The following RIPOR1 variants were observed in gnomAD, a reference collection of about 807,000 sequenced individuals.
RIPOR1 encodes rho family-interacting cell polarization regulator 1.
Under a neutral mutation model 116.5 loss-of-function variants are expected in RIPOR1, and 58 were observed. That is an observed-to-expected ratio of 0.50 (90% confidence interval 0.40 to 0.62). The LOEUF is 0.62. RIPOR1 is among the 20% of genes least tolerant of loss of function. RIPOR1 has a pLI of 0.00. For missense variants in RIPOR1, 1,372 were observed against 1,586.2 expected (o/e 0.86, Z 2.29); for synonymous variants, 605 against 650.0 (o/e 0.93, Z 1.05).
Position 67,531,257 on chromosome 16 carries a change from C to A in RIPOR1, c.-24+2343C>A, listed in dbSNP as rs919911241. ...GGGGTGGACATAGACTTAAAATCCT[C>A]CCCACCAACAAACAGCTCAGGACCT... On this transcript the variant is annotated intron_variant, in intron 1 of 21. Transcript: ENST00000042381. The surrounding 1 kb of genome is among the most constrained non-coding windows in gnomAD (Gnocchi z 4.2). Among the ~76,000 whole-genome samples, 13 of 151,724 alleles carry A rather than the reference C, an allele frequency of 8.6e-5. No individual in the cohort carries two copies. Among genetic ancestry groups the A allele is most frequent in the Admixed American group, 2.0e-4 (3 of 15,244 alleles).
chr16:67,539,596 G>A (rs1045940670), intron 4 of RIPOR1, 132 bp from the exon 5 acceptor site: 35 of 1,092,672 alleles, frequency 3.2e-5, no homozygotes, highest in East Asian at 2.1e-4. Flanking sequence ...AGGAAGGGGC[G>A]TCAGTTGCTA....
chr16:67,544,048 C>T lies in RIPOR1; in HGVS notation c.2601-251C>T, dbSNP rs1345789019. On this transcript the variant is annotated intron_variant, in intron 14 of 21. Transcript: ENST00000042381. The surrounding 1 kb of genome is among the most constrained non-coding windows in gnomAD (Gnocchi z 5.1). ...TAAACCATCCCGCCTGCAGCCTACTCCTACCCATGCCATCCCCAGTGGTCC... is the reference window on the plus strand; with the variant it reads ...TAAACCATCCCGCCTGCAGCCTACTTCTACCCATGCCATCCCCAGTGGTCC... Among the ~76,000 whole-genome samples, 1 of 152,132 alleles carries T rather than the reference C, an allele frequency of 6.6e-6. No homozygotes were observed. Among genetic ancestry groups the T allele is most frequent in the Non-Finnish European group, 1.5e-5 (1 of 68,034 alleles).
chr16:67,521,421 G>T (rs2050494005), intron 1 of RIPOR1, among the ~76,000 whole-genome samples: 1 of 152,182 alleles, frequency 6.6e-6, no homozygotes, highest in South Asian at 2.1e-4. Flanking sequence ...TTCACCTAGC[G>T]TTAGCAACTC....
chr16:67,531,167 A>G lies in RIPOR1; in HGVS notation c.-24+2253A>G, dbSNP rs1384629751. ...CCAGGGAGCAGAGCCCCACTTGCTG[A>G]TGGTATACGATACCATCAGCCAGTG... On this transcript the variant is annotated intron_variant, in intron 1 of 21. Transcript: ENST00000042381. The surrounding 1 kb of genome is among the most constrained non-coding windows in gnomAD (Gnocchi z 4.2). Among the ~76,000 whole-genome samples, 1 of 151,970 alleles carries G rather than the reference A, an allele frequency of 6.6e-6. No individual in the cohort carries two copies. The highest frequency in any genetic ancestry group is 1.5e-5 in the Non-Finnish European group (1 of 67,976).
chr16:67,521,451 C>G (rs563097785), intron 1 of RIPOR1, among the ~76,000 whole-genome samples: 1 of 152,312 alleles, frequency 6.6e-6, no homozygotes, highest in African/African-American at 2.4e-5. Context: ...AACTATGCAC[C>G]ACACACTGCA....
In RIPOR1 at chr16:67,542,183, AG is replaced by A; in HGVS notation, c.1399del (p.Ala467ProfsTer7). 6.2e-7 allele frequency: 1 copy of A among 1,613,880 alleles called. No homozygotes were observed. The highest frequency in any genetic ancestry group is 8.5e-7 in the Non-Finnish European group (1 of 1,179,874). The part of the protein sequence containing the change: ...VDAALAEASV[E>X]AVGPESLAWG... ...GCTGCCTTGGCTGAGGCTTCAGTGG[AG>A]GCCGTTGGCCCAGAAAGCCTAGCCT... On this transcript the variant is annotated frameshift_variant, in exon 13 of 22. Transcript: ENST00000042381. LOFTEE classifies it high-confidence loss of function. The surrounding 1 kb of genome is among the most constrained non-coding windows in gnomAD (Gnocchi z 4.6).
chr16:67,526,948 G>A (rs1363433804), upstream of RIPOR1, among the ~76,000 whole-genome samples: 3 of 152,240 alleles, frequency 2.0e-5, no homozygotes, highest in East Asian at 5.8e-4. Context: ...CTGAGGACTG[G>A]TGAGTCAACC....
upstream of RIPOR1, among the ~76,000 whole-genome samples, chr16:67,527,525 C>T (rs987217666): frequency 6.6e-6 from 1 of 152,092 alleles, no homozygotes; most frequent in Admixed American, 6.5e-5. Context: ...GTGGGAGGAT[C>T]GCTTGAGCCC....
Position 67,537,965 on chromosome 16 carries a change from C to A in RIPOR1, c.-23-459C>A. On this transcript the variant is annotated intron_variant, in intron 1 of 21. Coordinates refer to ENST00000042381, the MANE Select transcript of RIPOR1 (RefSeq NM_024519.4). This position sits in a 1 kb window ranked among gnomAD's most constrained non-coding sequence, Gnocchi z 4.6. ...CAGCTCCGCAGGGCTCCGAGCGTGG[C>A]CCCGCCCCGCCCCGTGACCTCCTTG... The A allele has an allele frequency of 8.9e-6, 2 of 225,374 alleles. No individual in the cohort carries two copies. Among genetic ancestry groups the A allele is most frequent in the Admixed American group, 5.8e-5 (1 of 17,276 alleles). 14.0% of individuals were successfully genotyped at this position (225,374 alleles called of 1,614,324 possible).
At chr16:67,535,883 G>A (rs1364007119) in intron 1 of RIPOR1, among the ~76,000 whole-genome samples, 3 of 152,126 alleles carry the variant, frequency 2.0e-5, no homozygotes, top group Non-Finnish European at 2.9e-5. Context: ...CCCAGGCTTC[G>A]CCTTCAAGGA....
Position 67,529,793 on chromosome 16 carries a change from T to C in RIPOR1, c.-24+879T>C, listed in dbSNP as rs1467990415. On this transcript the variant is annotated intron_variant, in intron 1 of 21. Transcript: ENST00000042381. This position sits in a 1 kb window ranked among gnomAD's most constrained non-coding sequence, Gnocchi z 4.1. ...GGGCCGCGCCCTGGGCCTGCCGCAT[T>C]CGGCCAACGCACAGCATCTGAGGAG... The C allele has an allele frequency of 6.5e-7, 1 of 1,535,794 alleles. No homozygotes were observed. The highest frequency in any genetic ancestry group is 2.4e-5 in the East Asian group (1 of 40,916).
chr16:67,523,299 G>A (rs1014745365), intron 1 of RIPOR1, among the ~76,000 whole-genome samples: 1 of 152,022 alleles, frequency 6.6e-6, no homozygotes, highest in Non-Finnish European at 1.5e-5. Flanking sequence ...GCCGAGGCAG[G>A]TGGATCACCT....
At chr16:67,526,692 GC>G (rs1292857744), upstream of RIPOR1, among the ~76,000 whole-genome samples, 2 of 152,232 alleles carry the variant, frequency 1.3e-5, no homozygotes, top group Non-Finnish European at 1.5e-5. Context: ...GCAGGGTCAG[GC>G]CCATGAGCAC....
chr16:67,543,748 C>A lies in RIPOR1; in HGVS notation c.2600+279C>A. On this transcript the variant is annotated intron_variant, in intron 14 of 21. Transcript: ENST00000042381. The surrounding 1 kb of genome is among the most constrained non-coding windows in gnomAD (Gnocchi z 4.7). ...GTCTGCCTCCCCTGCCGGTCCCCAT[C>A]AGCTTGGGTGCCTCCAGCCCCTCCT... 2.0e-6 allele frequency: 1 copy of A among 500,060 alleles called. No homozygotes were observed. The highest frequency in any genetic ancestry group is 2.1e-5 in the South Asian group (1 of 47,674). 31.0% of individuals were successfully genotyped at this position (500,060 alleles called of 1,614,324 possible).
At chr16:67,546,278 G>A (rs1028307922) in intron 21 of RIPOR1, 47 bp downstream of exon 21, 11 of 1,609,396 alleles carry the variant, frequency 6.8e-6, no homozygotes, top group Non-Finnish European at 9.4e-6. Flanking sequence ...GGGACATCTT[G>A]GCTGATGGGA....
Position 67,546,206 on chromosome 16 carries a change from T to C in RIPOR1, c.3537T>C (p.Ala1179=). The part of the protein sequence containing the change: ...CQTDTEAVRE[A]ARQSLQQCGE... ...CTGACACAGAAGCTGTGAGGGAAGCTGCCCGGCAAAGCCTACAGCAGTGTG... is the reference window on the plus strand; with the variant it reads ...CTGACACAGAAGCTGTGAGGGAAGCCGCCCGGCAAAGCCTACAGCAGTGTG... Residue 1179 remains alanine (A), a synonymous_variant, in exon 21 of 22, where the codon GCT becomes GCC. Transcript: ENST00000042381. 2 of 1,614,092 alleles carry C rather than the reference T, an allele frequency of 1.2e-6. No individual in the cohort carries two copies. The highest frequency in any genetic ancestry group is 1.7e-6 in the Non-Finnish European group (2 of 1,180,028).
In RIPOR1 at chr16:67,545,177, G is replaced by A. The variant is rs1176547764; in HGVS notation, c.3031+60G>A. On this transcript the variant is annotated intron_variant, in intron 17 of 21. Coordinates refer to ENST00000042381, the MANE Select transcript of RIPOR1 (RefSeq NM_024519.4). The surrounding 1 kb of genome is among the most constrained non-coding windows in gnomAD (Gnocchi z 4.8). The stretch of plus-strand genomic sequence containing the variant: ...AGATTCCCAGTGACAGGAAGCTCGG[G>A]GAAGCCAGGTCAGCCCACACAGATA... The A allele has an allele frequency of 5.0e-6, 8 of 1,593,208 alleles. No homozygotes were observed. Among genetic ancestry groups the A allele is most frequent in the African/African-American group, 1.3e-5 (1 of 74,706 alleles).
At chr16:67,523,521 TAA>T (rs1169903442) in intron 1 of RIPOR1, among the ~76,000 whole-genome samples, 1,708 of 43,866 alleles carry the variant, frequency 0.039, 6 homozygotes, top group Non-Finnish European at 0.057. Context: ...CAAGACTCCA[TAA>T]AAAAAAAAAA....
rs770468524 is a variant in RIPOR1, at chr16:67,540,875, A to G, written c.801+171A>G. On this transcript the variant is annotated intron_variant, in intron 10 of 21. Transcript: ENST00000042381. The surrounding 1 kb of genome is among the most constrained non-coding windows in gnomAD (Gnocchi z 4.7). The stretch of plus-strand genomic sequence containing the variant: ...GGCCCTGAGAGGAACAATCTTTGTG[A>G]CTCTTAGGACATCATGGCTTCCTGA... 6.6e-6 allele frequency among the ~76,000 whole-genome samples: 1 copy of G among 150,556 alleles called. No individual in the cohort carries two copies. The highest frequency in any genetic ancestry group is 3.2e-3 in the Middle Eastern group (1 of 316).
Sources: gnomAD v4.1 joint callset for allele counts (sites outside exome capture counted in the v4.1 genomes callset) on GRCh38, gnomAD v4.1.1 for gene constraint, Gnocchi (gnomAD v3.1) non-coding constraint, MANE v1.5 for transcripts, NCBI Gene and HGNC (gene_info 2026-07-23, HGNC 2026-07-21) for gene names.